The following CMTR1 variants were observed in gnomAD, a reference collection of about 807,000 sequenced individuals.
CMTR1 encodes the protein cap-specific mRNA (nucleoside-2'-O-)-methyltransferase 1.
In CMTR1, 39 loss-of-function variants were observed where a neutral mutation model predicts 107.0. That is an observed-to-expected ratio of 0.36 (90% CI 0.28 to 0.48). CMTR1 has a LOEUF of 0.48. CMTR1 is among the 20% of genes least tolerant of loss of function. CMTR1 has a pLI of 0.99. For missense variants in CMTR1, 672 were observed against 1,064.9 expected (o/e 0.63, Z 5.14); for synonymous variants, 366 against 379.5 (o/e 0.96, Z 0.41).
At chr6:37,443,906 A>T in intron 2 of CMTR1, 93 bp from the exon 3 acceptor site, 1 of 1,384,550 alleles carries the variant, frequency 7.2e-7, no homozygotes, top group Non-Finnish European at 9.9e-7. Flanking sequence ...TGCATTGTGT[A>T]TACTGAACAG....
chr6:37,430,202 C>T (rs1313779991), upstream of CMTR1, among the ~76,000 whole-genome samples: 1 of 152,110 alleles, frequency 6.6e-6, no homozygotes, highest in Non-Finnish European at 1.5e-5. Flanking sequence ...TTCTGGTTTC[C>T]TTTCTCCATA....
upstream of CMTR1, among the ~76,000 whole-genome samples, chr6:37,429,009 A>G (rs544067119): frequency 5.3e-5 from 8 of 151,518 alleles, no homozygotes; most frequent in African/African-American, 1.9e-4. Context: ...ATTTTTTTCT[A>G]CCTCCTTTTC....
chr6:37,432,845 C>T (rs1275053419), upstream of CMTR1, among the ~76,000 whole-genome samples: 2 of 152,208 alleles, frequency 1.3e-5, no homozygotes, highest in African/African-American at 4.8e-5. Flanking sequence ...TGAGATGTCC[C>T]ATAGGCTGGA....
chr6:37,473,655 C>A, intron 17 of CMTR1, 54 bp downstream of exon 17: 1 of 1,584,490 alleles, frequency 6.3e-7, no homozygotes, highest in Non-Finnish European at 8.6e-7. Context: ...TTGCCCTTTG[C>A]GGAATCTGGA....
At chr6:37,451,175 A>G (rs1761159580) in intron 5 of CMTR1, among the ~76,000 whole-genome samples, 1 of 152,186 alleles carries the variant, frequency 6.6e-6, no homozygotes. Flanking sequence ...TTAATAATAT[A>G]ATTATTTGAA....
At chr6:37,426,534 A>G in the CMTR1 span, among the ~76,000 whole-genome samples, 2 of 149,422 alleles carry the variant, frequency 1.3e-5, no homozygotes, top group Non-Finnish European at 3.0e-5. Flanking sequence ...AGGTCTCCTC[A>G]GGTCTTTTTT....
At chr6:37,473,625 C>A in intron 17 of CMTR1, 24 bp downstream of exon 17, 1 of 1,608,600 alleles carries the variant, frequency 6.2e-7, no homozygotes, top group Non-Finnish European at 8.5e-7. Context: ...TGGCTTCCTG[C>A]CCAGCTTGGA....
At chr6:37,435,856 C>G in intron 2 of CMTR1, 94 bp downstream of exon 2, 8 of 1,327,524 alleles carry the variant, frequency 6.0e-6, no homozygotes, top group Non-Finnish European at 8.0e-6. Flanking sequence ...GTCCACTGCC[C>G]CTTGGTCCCT....
intron 13 of CMTR1, among the ~76,000 whole-genome samples, chr6:37,464,688 T>C (rs1761469805): frequency 6.6e-6 from 1 of 152,124 alleles, no homozygotes; most frequent in Non-Finnish European, 1.5e-5. Context: ...TTCCATTCCA[T>C]TGTATGAGGA....
At chr6:37,455,224 C>G (rs1562121563) in intron 8 of CMTR1, among the ~76,000 whole-genome samples, 3 of 152,176 alleles carry the variant, frequency 2.0e-5, no homozygotes, top group Non-Finnish European at 4.4e-5. Context: ...ACTGGGATTA[C>G]AGGCATGTGC....
At chr6:37,438,670 G>C (rs1304221777) in intron 2 of CMTR1, among the ~76,000 whole-genome samples, 1 of 152,192 alleles carries the variant, frequency 6.6e-6, no homozygotes, top group Non-Finnish European at 1.5e-5. Context: ...CTGATAAAAG[G>C]CAACAATAGT....
chr6:37,436,319 A>T (rs1020813326), intron 2 of CMTR1: 2 of 152,240 alleles, frequency 1.3e-5, no homozygotes, highest in Admixed American at 1.3e-4. Context: ...GGTTATTCAC[A>T]GTTTCCATAG....
At chr6:37,461,510 T>C in intron 10 of CMTR1, 39 bp from the exon 11 acceptor site, 1 of 1,207,178 alleles carries the variant, frequency 8.3e-7, no homozygotes, top group African/African-American at 1.5e-5. Flanking sequence ...GTCCTTCTCT[T>C]TTCTCTTTCC....
chr6:37,459,445 C>A, intron 9 of CMTR1, 121 bp from the exon 10 acceptor site: 1 of 770,682 alleles, frequency 1.3e-6, no homozygotes, highest in Middle Eastern at 3.1e-4. Flanking sequence ...GGGAGCCTTG[C>A]AGGATGGGCC....
intron 9 of CMTR1, 116 bp from the exon 10 acceptor site, chr6:37,459,450 T>G: frequency 1.3e-6 from 1 of 795,556 alleles, no homozygotes; most frequent in East Asian, 2.4e-5. Context: ...CCTTGCAGGA[T>G]GGGCCCTAGT....
chr6:37,435,553 T>G, intron 1 of CMTR1, 71 bp from the exon 2 acceptor site: 1 of 1,509,840 alleles, frequency 6.6e-7, no homozygotes, highest in Non-Finnish European at 8.9e-7. Flanking sequence ...TGATTTACAC[T>G]TTGGAATCCC....
chr6:37,471,469 G>C (rs937086450), intron 14 of CMTR1, among the ~76,000 whole-genome samples: 5 of 152,180 alleles, frequency 3.3e-5, no homozygotes, highest in African/African-American at 9.7e-5. Flanking sequence ...ATTCAGCTTT[G>C]TGGGGCATGG....
At chr6:37,428,028 G>C in the CMTR1 span, among the ~76,000 whole-genome samples, 1 of 140,948 alleles carries the variant, frequency 7.1e-6, no homozygotes, top group African/African-American at 2.8e-5. Context: ...GAGAGAGAGA[G>C]AGAGAGAGAG....
chr6:37,480,119 T>G lies in CMTR1; in HGVS notation c.2482T>G (p.Ser828Ala). The G allele has an allele frequency of 6.2e-7, 1 of 1,600,464 alleles. No homozygotes were observed. Among genetic ancestry groups the G allele is most frequent in the South Asian group, 1.1e-5 (1 of 88,756 alleles). Residue 828 changes from serine to alanine, a missense_variant, in exon 24 of 24, where the codon TCC (serine) becomes GCC (alanine). By Grantham distance (99) the Ser-to-Ala change is moderately conservative. Coordinates refer to ENST00000373451, the MANE Select transcript of CMTR1 (RefSeq NM_015050.3). ...QDKLSKEDVL[S>A]FIQMHRA ...CAAGCTGTCCAAGGAGGACGTCCTC[T>G]CCTTCATCCAGATGCACAGGGCCTA...
Sources: allele counts gnomAD v4.1 joint callset (sites outside exome capture counted in the v4.1 genomes callset), GRCh38; gene constraint gnomAD v4.1.1; transcripts MANE v1.5; gene names NCBI Gene and HGNC (gene_info 2026-07-23, HGNC 2026-07-21).